The following PREX1 variants were observed in gnomAD, a reference collection of about 807,000 sequenced individuals.
The protein encoded by PREX1 is phosphatidylinositol-3,4,5-trisphosphate dependent Rac exchange factor 1.
A neutral mutation model predicts 198.3 loss-of-function variants in PREX1; 41 were observed. That is an observed-to-expected ratio of 0.21 (90% CI 0.16 to 0.27). The LOEUF (loss-of-function observed/expected upper bound fraction) is 0.27, where lower values mean the gene tolerates loss of function less well. Among genes scored for constraint, PREX1 ranks in the 10% least tolerant of loss-of-function variants. The probability of loss-of-function intolerance (pLI) is 1.00; values close to 1 mark genes in which losing one functional copy is unlikely to be tolerated. For missense variants in PREX1, 1,620 were observed against 2,200.7 expected, an observed-to-expected ratio of 0.74 and a Z score of 5.28; for synonymous variants, 843 against 887.2, an observed-to-expected ratio of 0.95 and a Z score of 0.89.
rs181294244 is a variant in PREX1 at position 48,785,193 on chromosome 20, C to T, written c.220-37313G>A. Among the ~76,000 whole-genome samples the T allele has an allele frequency of 7.9e-5, 12 of 152,336 alleles. No individual in the cohort carries two copies. In the East Asian group the frequency reaches 2.1e-3, roughly 27 times the overall value. On this transcript the variant is annotated intron_variant, in intron 1 of 39. Coordinates refer to ENST00000371941, the MANE Select transcript of PREX1 (RefSeq NM_020820.4). ...CCTCCCAAAGTGCTGGGATTACAGG[C>T]GTGAGCCACTGCACCCAGCCAGATA...
chr20:48,696,606 CACATACAT>C (rs56182314), intron 7 of PREX1, among the ~76,000 whole-genome samples: 36,654 of 142,818 alleles, frequency 0.26, 4,785 homozygotes, highest in South Asian at 0.38. Flanking sequence ...TACACACACA[CACATACAT>C]ACATACATAC....
intron 1 of PREX1, among the ~76,000 whole-genome samples, chr20:48,812,964 G>C (rs919484565): frequency 6.6e-6 from 1 of 152,236 alleles, no homozygotes; most frequent in Admixed American, 6.5e-5. Context: ...GGAAGGGTGA[G>C]ATCTTTTTAT....
At chr20:48,788,438 G>A (rs1490239823) in intron 1 of PREX1, among the ~76,000 whole-genome samples, 3 of 152,062 alleles carry the variant, frequency 2.0e-5, no homozygotes. Flanking sequence ...TCAGCTCTTT[G>A]GCCACCAGCT....
intron 3 of PREX1, among the ~76,000 whole-genome samples, chr20:48,738,868 A>G (rs1865791857): frequency 6.6e-6 from 1 of 152,132 alleles, no homozygotes; most frequent in Non-Finnish European, 1.5e-5. Context: ...CAGAAGAGGG[A>G]AGGAGCTGGC....
At chr20:48,804,260 C>G (rs2090400371) in intron 1 of PREX1, among the ~76,000 whole-genome samples, 1 of 152,216 alleles carries the variant, frequency 6.6e-6, no homozygotes, top group Admixed American at 6.5e-5. Flanking sequence ...AAACCCCCTG[C>G]CCTCTGGGAG....
At chr20:48,706,565 C>A (rs1414326118) in intron 6 of PREX1, among the ~76,000 whole-genome samples, 1 of 152,162 alleles carries the variant, frequency 6.6e-6, no homozygotes, top group Non-Finnish European at 1.5e-5. Context: ...GAGATCTCCC[C>A]ACTAACTACC....
At chr20:48,746,220 A>G (rs1283738667) in intron 2 of PREX1, among the ~76,000 whole-genome samples, 1 of 152,034 alleles carries the variant, frequency 6.6e-6, no homozygotes, top group Non-Finnish European at 1.5e-5. Context: ...ACAGGGTTTC[A>G]CCGTGTTGCC....
chr20:48,751,580 C>G (rs1007869862), intron 1 of PREX1, among the ~76,000 whole-genome samples: 2 of 152,230 alleles, frequency 1.3e-5, no homozygotes, highest in African/African-American at 4.8e-5. Flanking sequence ...TTCCAGGCAG[C>G]ACGGCGTCCC....
intron 1 of PREX1, among the ~76,000 whole-genome samples, chr20:48,783,465 AGCAATG>A (rs1306627230): frequency 6.6e-6 from 1 of 152,166 alleles, no homozygotes; most frequent in Non-Finnish European, 1.5e-5. Flanking sequence ...AGATCCAAGT[AGCAATG>A]GCAAAGAGAC....
chr20:48,803,801 T>G (rs1253157779), intron 1 of PREX1, among the ~76,000 whole-genome samples: 1 of 152,224 alleles, frequency 6.6e-6, no homozygotes, highest in Non-Finnish European at 1.5e-5. Context: ...TGATACTTGG[T>G]TCATGGATGG....
At chr20:48,697,617 C>T (rs6122714) in intron 7 of PREX1, among the ~76,000 whole-genome samples, 1 of 152,032 alleles carries the variant, frequency 6.6e-6, no homozygotes, top group Non-Finnish European at 1.5e-5. Flanking sequence ...ATCTTCTGAC[C>T]TCATGATCCA....
chr20:48,872,487 T>C, the PREX1 span, among the ~76,000 whole-genome samples: 1 of 152,144 alleles, frequency 6.6e-6, no homozygotes, highest in Non-Finnish European at 1.5e-5. Context: ...CTCATGCCTG[T>C]AATCTCAGCA....
chr20:48,747,010 A>ACC (rs1568848743), intron 2 of PREX1, among the ~76,000 whole-genome samples: 13 of 117,946 alleles, frequency 1.1e-4, no homozygotes, highest in Admixed American at 8.9e-4. Context: ...ACACACACAC[A>ACC]CCCCACCCCC....
chr20:48,792,662 G>C (rs2090343528), intron 1 of PREX1, among the ~76,000 whole-genome samples: 1 of 151,992 alleles, frequency 6.6e-6, no homozygotes, highest in Non-Finnish European at 1.5e-5. Flanking sequence ...ATTATTCATA[G>C]TAGCCAAACT....
At chr20:48,862,354 A>G in the PREX1 span, among the ~76,000 whole-genome samples, 1 of 152,326 alleles carries the variant, frequency 6.6e-6, no homozygotes, top group East Asian at 1.9e-4. Flanking sequence ...TGATACTAAT[A>G]AAGGATAGCT....
the PREX1 span, among the ~76,000 whole-genome samples, chr20:48,839,100 C>A: frequency 4.2e-5 from 6 of 142,900 alleles, no homozygotes; most frequent in Non-Finnish European, 7.6e-5. Context: ...TTTCTTTATA[C>A]TTTTTTCACA....
chr20:48,712,616 A>G (rs2089937334), intron 5 of PREX1, among the ~76,000 whole-genome samples: 1 of 152,322 alleles, frequency 6.6e-6, no homozygotes, highest in Admixed American at 6.5e-5. Flanking sequence ...CTCTATCTCT[A>G]TTCTTGCTCT....
the PREX1 span, among the ~76,000 whole-genome samples, chr20:48,876,699 A>G: frequency 2.0e-4 from 30 of 152,324 alleles, 1 homozygote; most frequent in South Asian, 6.0e-3. Context: ...TGGGAAGATG[A>G]AAAGGGGAAA....
intron 10 of PREX1, among the ~76,000 whole-genome samples, chr20:48,687,184 A>G (rs1430482673): frequency 6.6e-6 from 1 of 152,190 alleles, no homozygotes; most frequent in Admixed American, 6.5e-5. Flanking sequence ...TCCCATGTGT[A>G]GGTCCCCAAT....
Sources: gnomAD v4.1 joint callset for allele counts (sites outside exome capture counted in the v4.1 genomes callset) on GRCh38, gnomAD v4.1.1 for gene constraint, MANE v1.5 for transcripts, NCBI Gene and HGNC (gene_info 2026-07-23, HGNC 2026-07-21) for gene names.